GRM8: variants seen among roughly 807,000 people sequenced by gnomAD.
GRM8 encodes the protein glutamate metabotropic receptor 8, also known as metabotropic glutamate receptor 8.
Under a neutral mutation model 87.2 loss-of-function variants are expected in GRM8, and 47 were observed. That is an observed-to-expected ratio of 0.54 (90% CI 0.43 to 0.69). The LOEUF (loss-of-function observed/expected upper bound fraction) is 0.69. Ranked by LOEUF, GRM8 falls within the 30% of genes least tolerant of loss-of-function variation. The pLI is 0.00. For synonymous variants in GRM8, 396 were observed against 404.5 expected (o/e 0.98, Z 0.25); for missense variants, 1,019 against 1,139.2 (o/e 0.89, Z 1.52).
intron 7 of GRM8, among the ~76,000 whole-genome samples, chr7:126,757,001 T>C (rs1001622594): frequency 1.3e-5 from 2 of 152,190 alleles, no homozygotes; most frequent in Admixed American, 6.5e-5. Context: ...TGTAAACCTT[T>C]ATAAATTTAA....
intron 6 of GRM8, among the ~76,000 whole-genome samples, chr7:126,794,151 A>C (rs1821688190): frequency 6.6e-6 from 1 of 152,138 alleles, no homozygotes; most frequent in Non-Finnish European, 1.5e-5. Context: ...CTATTACTGA[A>C]ACCACATAAA....
rs189013714 is a variant in GRM8, at chr7:127,026,917, T to C, written c.727+79579A>G. Among the ~76,000 whole-genome samples the C allele has an allele frequency of 3.2e-3, 490 of 152,324 alleles. 3 individuals are homozygous for C. Among genetic ancestry groups the C allele is most frequent in the African/African-American group, 0.011 (466 of 41,570 alleles). On this transcript the variant is annotated intron_variant, in intron 3 of 10. Transcript: ENST00000339582. The stretch of plus-strand genomic sequence containing the variant: ...GTCATGAAGTCTTTGCCCATGCCTA[T>C]GTCCTGAATGGTATTGTCTAGGTTT...
At chr7:127,057,766 C>T (rs1820146526) in intron 3 of GRM8, among the ~76,000 whole-genome samples, 1 of 151,538 alleles carries the variant, frequency 6.6e-6, no homozygotes, top group Non-Finnish European at 1.5e-5. Flanking sequence ...TTCTAAATCT[C>T]ATTGTGAAAT....
intron 6 of GRM8, among the ~76,000 whole-genome samples, chr7:126,872,326 C>T (rs1451123291): frequency 6.6e-6 from 1 of 152,150 alleles, no homozygotes; most frequent in Non-Finnish European, 1.5e-5. Flanking sequence ...CTGGAGGACA[C>T]ATGCTTAGAA....
chr7:126,646,288 A>AAGGAAGGAAGGAAGGAAGGAAGGG, intron 7 of GRM8, among the ~76,000 whole-genome samples: 1 of 151,156 alleles, frequency 6.6e-6, no homozygotes, highest in Admixed American at 6.6e-5. Context: ...GGAAGGAAGG[A>AAGGAAGGAAGGAAGGAAGGAAGGG]AGGAAGGAAG....
intron 7 of GRM8, among the ~76,000 whole-genome samples, chr7:126,721,114 A>G (rs1252603008): frequency 6.6e-6 from 1 of 152,236 alleles, no homozygotes; most frequent in Admixed American, 6.5e-5. Flanking sequence ...ATGTGTGAAC[A>G]GAATGTTATC....
intron 2 of GRM8, among the ~76,000 whole-genome samples, chr7:127,214,221 A>G (rs191279821): frequency 1.2e-4 from 19 of 152,302 alleles, no homozygotes; most frequent in African/African-American, 4.6e-4. Flanking sequence ...GAGTAATACT[A>G]GTTGACCTTG....
chr7:127,163,631 T>C (rs760505881), intron 2 of GRM8, among the ~76,000 whole-genome samples: 24 of 152,206 alleles, frequency 1.6e-4, no homozygotes, highest in Non-Finnish European at 2.5e-4. Flanking sequence ...CAAGTGGGCT[T>C]TACCTTTTAG....
At chr7:126,766,904 C>T (rs1818258590) in intron 7 of GRM8, among the ~76,000 whole-genome samples, 1 of 152,138 alleles carries the variant, frequency 6.6e-6, no homozygotes, top group South Asian at 2.1e-4. Flanking sequence ...TAACAGCTAA[C>T]ACAAGCTCCA....
chr7:126,898,356 T>C lies in GRM8; in HGVS notation c.1156+4186A>G, dbSNP rs1801741444. Among the ~76,000 whole-genome samples, 4 of 152,342 alleles carry C rather than the reference T, an allele frequency of 2.6e-5. No homozygotes were observed. The South Asian group carries it at 8.3e-4, about 32-fold the overall frequency. ...AAATGAAAACTGGGTAAAATGGTAATTTGGGAGACAAATATCTTCTCTTAT... is the reference window on the plus strand; with the variant it reads ...AAATGAAAACTGGGTAAAATGGTAACTTGGGAGACAAATATCTTCTCTTAT... On this transcript the variant is annotated intron_variant, in intron 6 of 10. Transcript: ENST00000339582.
intron 7 of GRM8, among the ~76,000 whole-genome samples, chr7:126,737,546 G>A (rs537480671): frequency 3.9e-5 from 6 of 151,906 alleles, no homozygotes; most frequent in African/African-American, 1.2e-4. Flanking sequence ...TTGATAAATC[G>A]GCTCTGTCTA....
intron 2 of GRM8, among the ~76,000 whole-genome samples, chr7:127,172,838 G>A (rs1249443660): frequency 6.6e-6 from 1 of 152,126 alleles, no homozygotes. Flanking sequence ...AACGTTATGT[G>A]CTCTGAGTGC....
chr7:127,088,171 C>T (rs1394071645), intron 3 of GRM8, among the ~76,000 whole-genome samples: 1 of 152,180 alleles, frequency 6.6e-6, no homozygotes, highest in Non-Finnish European at 1.5e-5. Flanking sequence ...AGTGAGAAGT[C>T]CTGTTAGGGA....
intron 3 of GRM8, among the ~76,000 whole-genome samples, chr7:126,905,261 A>T (rs1802558714): frequency 6.6e-6 from 1 of 152,228 alleles, no homozygotes; most frequent in South Asian, 2.1e-4. Flanking sequence ...TTGGATTGAC[A>T]TACATCGCCA....
chr7:126,537,799 C>A (rs112919097), intron 8 of GRM8, among the ~76,000 whole-genome samples: 23,300 of 151,194 alleles, frequency 0.15, 2,350 homozygotes, highest in East Asian at 0.26. Context: ...AACAAACAAA[C>A]AAAAAAAACA....
In GRM8 at chr7:127,045,055, T is replaced by A. The variant is rs531654292; in HGVS notation, c.727+61441A>T. Among the ~76,000 whole-genome samples the A allele has an allele frequency of 1.6e-4, 25 of 152,294 alleles. No individual in the cohort carries two copies. In the East Asian group the frequency reaches 3.9e-3, roughly 24 times the overall value. ...TGAATGTGGTTCATATTCAGTGACATTTTCATATTTTACCATATTTATATG... is the reference window on the plus strand; with the variant it reads ...TGAATGTGGTTCATATTCAGTGACAATTTCATATTTTACCATATTTATATG... On this transcript the variant is annotated intron_variant, in intron 3 of 10. Transcript: ENST00000339582.
chr7:127,184,452 C>T (rs989491981), intron 2 of GRM8, among the ~76,000 whole-genome samples: 4 of 151,738 alleles, frequency 2.6e-5, no homozygotes, highest in African/African-American at 9.7e-5. Flanking sequence ...ATCCTATATC[C>T]GTGTATAATA....
intron 7 of GRM8, among the ~76,000 whole-genome samples, chr7:126,740,437 T>G (rs1000789538): frequency 6.6e-6 from 1 of 152,118 alleles, no homozygotes; most frequent in African/African-American, 2.4e-5. Context: ...ATGAAAAGGA[T>G]CAGTGGCATT....
At chr7:127,103,267 T>G (rs1386857747) in intron 3 of GRM8, among the ~76,000 whole-genome samples, 4 of 152,174 alleles carry the variant, frequency 2.6e-5, no homozygotes, top group Non-Finnish European at 5.9e-5. Flanking sequence ...CCCACCCAAA[T>G]CTCATGTCGA....
Sources: gnomAD v4.1 joint callset for allele counts (sites outside exome capture counted in the v4.1 genomes callset) on GRCh38, gnomAD v4.1.1 for gene constraint, MANE v1.5 for transcripts, NCBI Gene and HGNC (gene_info 2026-07-23, HGNC 2026-07-21) for gene names.